ATOSA: variants seen among roughly 807,000 people sequenced by gnomAD.
ATOSA encodes atos homolog A.
chr15:52,702,704 T>C, the ATOSA span, among the ~76,000 whole-genome samples: 1 of 144,276 alleles, frequency 6.9e-6, no homozygotes, highest in Non-Finnish European at 1.5e-5. Flanking sequence ...CACACCTCAG[T>C]ATCATGCAGT....
At chr15:52,598,169 A>C in the ATOSA span, among the ~76,000 whole-genome samples, 1 of 152,154 alleles carries the variant, frequency 6.6e-6, no homozygotes, top group African/African-American at 2.4e-5. Context: ...ATGTAGATAT[A>C]TATAGATACT....
the ATOSA span, among the ~76,000 whole-genome samples, chr15:52,645,711 T>C: frequency 6.6e-6 from 1 of 152,226 alleles, no homozygotes; most frequent in Admixed American, 6.5e-5. Context: ...CAATTCATCA[T>C]AGTCTCAGGG....
chr15:52,682,878 A>C, the ATOSA span, among the ~76,000 whole-genome samples: 2 of 152,358 alleles, frequency 1.3e-5, no homozygotes, highest in South Asian at 4.1e-4. Flanking sequence ...GAGAAAGATC[A>C]TGGAGTCATT....
the ATOSA span, among the ~76,000 whole-genome samples, chr15:52,700,375 T>C: frequency 6.6e-6 from 1 of 152,212 alleles, no homozygotes; most frequent in Non-Finnish European, 1.5e-5. Flanking sequence ...AACTAGTATC[T>C]AAGTATTGGC....
At chr15:52,605,951 T>A in the ATOSA span, among the ~76,000 whole-genome samples, 1 of 151,978 alleles carries the variant, frequency 6.6e-6, no homozygotes, top group Non-Finnish European at 1.5e-5. Context: ...AATAAGAGAT[T>A]AATGATAATA....
At chr15:52,653,219 G>A in the ATOSA span, among the ~76,000 whole-genome samples, 2 of 152,092 alleles carry the variant, frequency 1.3e-5, no homozygotes, top group Non-Finnish European at 2.9e-5. Flanking sequence ...AGTGGAGTCT[G>A]ATGGAAGTGT....
the ATOSA span, chr15:52,609,714 C>T: frequency 1.2e-6 from 2 of 1,613,692 alleles, no homozygotes; most frequent in Non-Finnish European, 1.7e-6. Flanking sequence ...GTGAACTAGA[C>T]TCTTGAGTAT....
At chr15:52,671,676 C>T in the ATOSA span, among the ~76,000 whole-genome samples, 3 of 151,990 alleles carry the variant, frequency 2.0e-5, no homozygotes, top group African/African-American at 7.3e-5. Context: ...TAAATGACAG[C>T]AATTAACATT....
the ATOSA span, among the ~76,000 whole-genome samples, chr15:52,594,781 CT>C: frequency 6.6e-6 from 1 of 152,172 alleles, no homozygotes; most frequent in Non-Finnish European, 1.5e-5. Flanking sequence ...TGAATAAATG[CT>C]ACATCTTCTA....
At chr15:52,659,038 C>A in the ATOSA span, among the ~76,000 whole-genome samples, 2 of 151,988 alleles carry the variant, frequency 1.3e-5, no homozygotes, top group African/African-American at 4.8e-5. Context: ...TAAGTTTGTA[C>A]GGGCCATCTG....
chr15:52,612,403 C>G, the ATOSA span, among the ~76,000 whole-genome samples: 5 of 151,966 alleles, frequency 3.3e-5, no homozygotes, highest in Admixed American at 2.0e-4. Flanking sequence ...GCCTTGCCTA[C>G]TTTATTAATT....
chr15:52,661,184 G>A, the ATOSA span, among the ~76,000 whole-genome samples: 4 of 152,052 alleles, frequency 2.6e-5, no homozygotes, highest in East Asian at 7.7e-4. Context: ...CTAGTTTCAA[G>A]GATGAAATGT....
chr15:52,601,663 G>C, the ATOSA span, among the ~76,000 whole-genome samples: 4 of 152,034 alleles, frequency 2.6e-5, no homozygotes, highest in East Asian at 7.7e-4. Context: ...GATTTGAAAA[G>C]TACTATGCTC....
chr15:52,677,814 T>C, the ATOSA span, among the ~76,000 whole-genome samples: 1 of 152,224 alleles, frequency 6.6e-6, no homozygotes, highest in Non-Finnish European at 1.5e-5. Flanking sequence ...AGAAGCACTT[T>C]TGTAAAAACG....
At chr15:52,691,097 T>C in the ATOSA span, among the ~76,000 whole-genome samples, 111,046 of 152,062 alleles carry the variant, frequency 0.73, 41,290 homozygotes, top group Middle Eastern at 0.83. Context: ...TTAAGTGCTT[T>C]AGAGTTTCTA....
the ATOSA span, among the ~76,000 whole-genome samples, chr15:52,659,420 TATTC>T: frequency 2.0e-5 from 3 of 152,226 alleles, no homozygotes; most frequent in Non-Finnish European, 2.9e-5. Flanking sequence ...CAGAAGGAAA[TATTC>T]ATAAGAATTC....
At chr15:52,668,152 A>C in the ATOSA span, among the ~76,000 whole-genome samples, 74 of 152,372 alleles carry the variant, frequency 4.9e-4, 2 homozygotes, top group Admixed American at 1.0e-3. Context: ...CAAGATATGG[A>C]ATCAATCTGT....
At chr15:52,672,960 C>G in the ATOSA span, among the ~76,000 whole-genome samples, 6 of 152,206 alleles carry the variant, frequency 3.9e-5, no homozygotes, top group African/African-American at 1.4e-4. Flanking sequence ...GACTCATCAA[C>G]ATAAATGGAT....
chr15:52,697,957 ATTTTTTTTTTTTTTTTTT>A, the ATOSA span, among the ~76,000 whole-genome samples: 361 of 44,824 alleles, frequency 8.1e-3, 2 homozygotes, highest in African/African-American at 0.028. Context: ...GGGATGTAGA[ATTTTTTTTTTTTTTTTTT>A]TTTTTTTTTT....
Sources: gnomAD v4.1 joint callset for allele counts (sites outside exome capture counted in the v4.1 genomes callset) on GRCh38, gnomAD v4.1.1 for gene constraint, MANE v1.5 for transcripts, NCBI Gene and HGNC (gene_info 2026-07-23, HGNC 2026-07-21) for gene names.